The following TUBD1 variants were observed in gnomAD, a reference collection of about 807,000 sequenced individuals.
TUBD1 encodes tubulin delta chain.
TUBD1 carries 38 observed loss-of-function variants against 51.2 expected under a neutral mutation model. The ratio of observed to expected loss-of-function variants is 0.74; its 90% CI spans 0.57 to 0.97. The LOEUF is 0.97. Ranked by LOEUF, TUBD1 falls within the 50% of genes least tolerant of loss-of-function variation. The pLI is 0.00. For synonymous variants in TUBD1, 169 were observed against 178.2 expected, an observed-to-expected ratio of 0.95 and a Z score of 0.41; for missense variants, 489 against 538.4, an observed-to-expected ratio of 0.91 and a Z score of 0.91.
chr17:59,862,428 T>A (rs900152314), intron 8 of TUBD1, among the ~76,000 whole-genome samples: 1 of 152,158 alleles, frequency 6.6e-6, no homozygotes, highest in Admixed American at 6.5e-5. Context: ...TGCTAAAACA[T>A]GTTAGTATGA....
intron 3 of TUBD1, chr17:59,885,510 T>C: frequency 6.3e-7 from 1 of 1,581,434 alleles, no homozygotes; most frequent in Non-Finnish European, 8.7e-7. Context: ...AACGAGGCGG[T>C]GATCCCTCCA....
chr17:59,876,144 A>C (rs1296754185), intron 5 of TUBD1, among the ~76,000 whole-genome samples: 2 of 151,946 alleles, frequency 1.3e-5, no homozygotes, highest in East Asian at 3.9e-4. Flanking sequence ...TAAATATAGA[A>C]TAGTCAGAAA....
chr17:59,890,577 CAA>C (rs1411801395), intron 2 of TUBD1, among the ~76,000 whole-genome samples: 1 of 151,960 alleles, frequency 6.6e-6, no homozygotes, highest in African/African-American at 2.4e-5. Flanking sequence ...AGATGAAAGG[CAA>C]AGAGATAAGA....
Position 59,892,925 on chromosome 17 carries a change from A to C in TUBD1, c.-268T>G. 2.0e-6 allele frequency: 1 copy of C among 500,140 alleles called. No individual in the cohort carries two copies. Among genetic ancestry groups the C allele is most frequent in the East Asian group, 3.1e-5 (1 of 31,962 alleles). The allele number at this position is 500,140 out of a possible 1,614,324, so 31.0% of individuals were successfully genotyped here. A position where few individuals can be genotyped will look rare whatever the true frequency, so the allele number is the denominator to read the frequency against. On this transcript the variant is annotated 5_prime_UTR_variant, in exon 1 of 9. Coordinates refer to ENST00000325752, the MANE Select transcript of TUBD1 (RefSeq NM_016261.4). The stretch of plus-strand genomic sequence containing the variant: ...GGTACGCATGCTCACTGTCCACCGA[A>C]CGCTCCAGCTGACAATGCGCATGCT...
At chr17:59,890,719 G>C in intron 2 of TUBD1, 112 bp downstream of exon 2, 1 of 895,838 alleles carries the variant, frequency 1.1e-6, no homozygotes, top group South Asian at 2.2e-5. Context: ...CAAAAACAAA[G>C]TAATTCCCTA....
At position 59,890,975 on chromosome 17, in the gene TUBD1, G is replaced by C; in HGVS notation, c.28C>G (p.Gln10Glu). The C allele has an allele frequency of 3.7e-6, 6 of 1,613,156 alleles. No individual in the cohort carries two copies. Among genetic ancestry groups the C allele is most frequent in the Non-Finnish European group, 5.1e-6 (6 of 1,179,848 alleles). ...TCAAAACCAATCTGATTGCCACACTGACCAAGTTGCACTGTTACAATTGAC... is the reference window on the plus strand; with the variant it reads ...TCAAAACCAATCTGATTGCCACACTCACCAAGTTGCACTGTTACAATTGAC... The part of the protein sequence containing the change: MSIVTVQLG[Q>E]CGNQIGFEVF... The change falls in exon 2 of 9, where the codon CAG (glutamine) becomes GAG (glutamate). Residue 10 changes from glutamine (Q) to glutamate (E), a missense_variant. By Grantham distance (29) the Gln-to-Glu change is conservative. Transcript: ENST00000325752.
chr17:59,871,433 C>T (rs1041149852), intron 6 of TUBD1, among the ~76,000 whole-genome samples: 18 of 152,054 alleles, frequency 1.2e-4, no homozygotes, highest in Non-Finnish European at 2.1e-4. Flanking sequence ...TCTCTGACCT[C>T]ATGTTTCACC....
chr17:59,892,928 C>T lies in TUBD1; in HGVS notation c.-271G>A, dbSNP rs1021154186. Reference sequence around the variant, plus strand: ...ACGCATGCTCACTGTCCACCGAACGCTCCAGCTGACAATGCGCATGCTCTA... The same window carrying T: ...ACGCATGCTCACTGTCCACCGAACGTTCCAGCTGACAATGCGCATGCTCTA... On this transcript the variant is annotated 5_prime_UTR_variant, in exon 1 of 9. Transcript: ENST00000325752. 4.2e-5 allele frequency: 22 copies of T among 522,002 alleles called. No individual in the cohort carries two copies. The highest frequency in any genetic ancestry group is 7.3e-5 in the Non-Finnish European group (21 of 289,286). The allele number at this position is 522,002 out of a possible 1,614,324, so 32.3% of individuals were successfully genotyped here.
intron 7 of TUBD1, among the ~76,000 whole-genome samples, chr17:59,865,661 T>A (rs1012346083): frequency 1.3e-5 from 2 of 152,238 alleles, no homozygotes; most frequent in Admixed American, 6.5e-5. Flanking sequence ...CCACTGGTTG[T>A]CCAGCAATTC....
chr17:59,887,878 C>T (rs1211521106), intron 2 of TUBD1, among the ~76,000 whole-genome samples: 1 of 151,890 alleles, frequency 6.6e-6, no homozygotes, highest in African/African-American at 2.4e-5. Context: ...GCAATCCTCC[C>T]ACCTTGGTCT....
At chr17:59,873,093 G>C (rs1177625861) in intron 6 of TUBD1, among the ~76,000 whole-genome samples, 3 of 151,912 alleles carry the variant, frequency 2.0e-5, no homozygotes, top group Non-Finnish European at 2.9e-5. Context: ...AGGAATGCAA[G>C]AGATAACAAT....
chr17:59,883,447 T>C (rs2040579269), intron 3 of TUBD1, among the ~76,000 whole-genome samples: 1 of 152,062 alleles, frequency 6.6e-6, no homozygotes. Context: ...TTCTATTTTT[T>C]AGTAGAAACA....
Position 59,886,851 on chromosome 17 carries a change from G to C in TUBD1, c.173-621C>G, listed in dbSNP as rs868464983. On this transcript the variant is annotated intron_variant, in intron 2 of 8. Transcript: ENST00000325752. ...GGATCACTTGAGGCCAGGAGTTGGA[G>C]ACCAGCCTGGCCAACATGGTGAAAT... Among the ~76,000 whole-genome samples the C allele has an allele frequency of 1.1e-4, 16 of 151,990 alleles. No homozygotes were observed. In the Middle Eastern group the frequency reaches 0.014, roughly 129 times the overall value.
In TUBD1 at chr17:59,866,758, A is replaced by C. The variant is rs1425943747; in HGVS notation, c.935-9T>G. On this transcript the variant is annotated splice_polypyrimidine_tract_variant and intron_variant, in intron 6 of 8. Transcript: ENST00000325752. Reference sequence around the variant, plus strand: ...TACATGCCTATCAATACCTACCAAAAGAAAAAAAAAGCAAGAGGTTTTATT... The same window carrying C: ...TACATGCCTATCAATACCTACCAAACGAAAAAAAAAGCAAGAGGTTTTATT... 1.3e-6 allele frequency: 2 copies of C among 1,582,412 alleles called. No homozygotes were observed. Among genetic ancestry groups the C allele is most frequent in the South Asian group, 2.3e-5 (2 of 85,310 alleles).
rs60720420 is a variant in TUBD1 at position 59,872,694 on chromosome 17, ATGTGTGTGTGTGTGTG to A, written c.934+1829_934+1844del. On this transcript the variant is annotated intron_variant, in intron 6 of 8. Transcript: ENST00000325752. ...TGTCAGTATATATATGAAAATGGGA[ATGTGTGTGTGTGTGTG>A]TGTGTGTGTGTGTGTGTGTCTGTGT... Among the ~76,000 whole-genome samples, 307 of 142,728 alleles carry A rather than the reference ATGTGTGTGTGTGTGTG, an allele frequency of 2.2e-3. 1 individual carries two copies. The highest frequency in any genetic ancestry group is 3.5e-3 in the Middle Eastern group (1 of 284). 93.6% of individuals were successfully genotyped at this position (142,728 alleles called of 152,430 possible).
At chr17:59,866,491 AAC>A (rs1158774724) in intron 7 of TUBD1, 116 bp downstream of exon 7, 2 of 1,360,364 alleles carry the variant, frequency 1.5e-6, no homozygotes, top group Admixed American at 2.4e-5. Flanking sequence ...TTGCCACTAA[AAC>A]ACACAGTTAT....
chr17:59,860,836 C>G (rs987883226), intron 8 of TUBD1, among the ~76,000 whole-genome samples: 1 of 152,004 alleles, frequency 6.6e-6, no homozygotes, highest in African/African-American at 2.4e-5. Context: ...ATCCACCCGC[C>G]TCGGCCTCCC....
chr17:59,872,739 T>C (rs952057454), intron 6 of TUBD1, among the ~76,000 whole-genome samples: 2 of 149,822 alleles, frequency 1.3e-5, no homozygotes, highest in African/African-American at 4.9e-5. Context: ...TCTGTGTGTG[T>C]AGAGGGGGTG....
At chr17:59,863,018 GC>G (rs1415981578) in intron 8 of TUBD1, among the ~76,000 whole-genome samples, 3 of 152,100 alleles carry the variant, frequency 2.0e-5, no homozygotes, top group Non-Finnish European at 4.4e-5. Flanking sequence ...GAGCCACCAT[GC>G]CCGGCTGATG....
Sources: gnomAD v4.1 joint callset for allele counts (sites outside exome capture counted in the v4.1 genomes callset) on GRCh38, gnomAD v4.1.1 for gene constraint, MANE v1.5 for transcripts, NCBI Gene and HGNC (gene_info 2026-07-23, HGNC 2026-07-21) for gene names.